KMT2C: variants seen among roughly 807,000 people sequenced by gnomAD.
KMT2C encodes lysine methyltransferase 2C.
A neutral mutation model predicts 507.9 loss-of-function variants in KMT2C; 88 were observed. The observed-to-expected ratio is 0.17, with a 90% CI of 0.15 to 0.21. The LOEUF is 0.21. Among genes scored for constraint, KMT2C ranks in the 10% least tolerant of loss-of-function variants. KMT2C has a pLI of 1.00. For missense variants in KMT2C, 4,954 were observed against 5,957.8 expected, an observed-to-expected ratio of 0.83 and a Z score of 5.55; for synonymous variants, 2,049 against 2,080.8, an observed-to-expected ratio of 0.98 and a Z score of 0.42.
In KMT2C at chr7:152,364,938, C is replaced by G. The variant is rs113496617; in HGVS notation, c.162-6263G>C. 5.0e-3 allele frequency among the ~76,000 whole-genome samples: 626 copies of G among 125,942 alleles called. 2 individuals are homozygous for G. Among genetic ancestry groups the G allele is most frequent in the Middle Eastern group, 8.1e-3 (2 of 248 alleles). The allele number at this position is 125,942 out of a possible 152,430, so 82.6% of individuals were successfully genotyped here. On this transcript the variant is annotated intron_variant, in intron 1 of 58. Coordinates refer to ENST00000262189, the MANE Select transcript of KMT2C (RefSeq NM_170606.3). ...CAACAAAATCTGAAACAGACAGACA[C>G]ACACACACACACACACACACACACA...
In KMT2C at chr7:152,252,053, C is replaced by T; in HGVS notation, c.1507G>A (p.Glu503Lys). 1 of 1,612,018 alleles carries T rather than the reference C, an allele frequency of 6.2e-7. No individual in the cohort carries two copies. Among genetic ancestry groups the T allele is most frequent in the East Asian group, 2.2e-5 (1 of 44,822 alleles). Residue 503 changes from glutamate to lysine, a missense_variant, in exon 11 of 59, where the codon GAA becomes AAA. This residue lies in a region of KMT2C where 376 missense variants were observed against 352.4 expected (regional missense o/e 1.07). Transcript: ENST00000262189. ...HLECDKPTDH[E>K]LDTQLKEEYI... Reference sequence around the variant, plus strand: ...TCTTCTTTGAGCTGAGTATCCAGTTCATGATCTGTTGGTTTGTCACACTCT... The same window carrying T: ...TCTTCTTTGAGCTGAGTATCCAGTTTATGATCTGTTGGTTTGTCACACTCT...
At chr7:152,210,888 G>T (rs1191367553) in intron 23 of KMT2C, among the ~76,000 whole-genome samples, 1 of 152,134 alleles carries the variant, frequency 6.6e-6, no homozygotes, top group Non-Finnish European at 1.5e-5. Flanking sequence ...ATAAGGACAT[G>T]AATTGGAAAG....
intron 6 of KMT2C, among the ~76,000 whole-genome samples, chr7:152,290,258 G>GTGTGTGTGTGTGTGTGTGTGTGTATATA (rs1337492088): frequency 3.8e-5 from 1 of 26,242 alleles, no homozygotes; most frequent in African/African-American, 1.4e-4. Context: ...GTGTGTATGT[G>GTGTGTGTGTGTGTGTGTGTGTGTATATA]TATATATATA....
chr7:152,176,400 C>T lies in KMT2C; in HGVS notation c.9053G>A (p.Ser3018Asn), dbSNP rs779395355. The T allele has an allele frequency of 6.2e-7, 1 of 1,614,140 alleles. No homozygotes were observed. The highest frequency in any genetic ancestry group is 1.1e-5 in the South Asian group (1 of 91,082). ...KPATQTGPQT[S>N]QSGTSSMSGP... is the part of the protein sequence containing the mutation. ...AGACATGCTACTGGTACCAGACTGA[C>T]TTGTTTGAGGCCCAGTTTGAGTTGC... Residue 3018 changes from serine to asparagine, a missense_variant, in exon 38 of 59, where the codon AGT becomes AAT. Physicochemically the swap from Ser to Asn is conservative, Grantham distance 46. Coordinates refer to ENST00000262189, the MANE Select transcript of KMT2C (RefSeq NM_170606.3).
chr7:152,334,760 AG>A (rs1055251986), intron 2 of KMT2C, among the ~76,000 whole-genome samples: 3 of 152,352 alleles, frequency 2.0e-5, no homozygotes, highest in African/African-American at 7.2e-5. Flanking sequence ...GTGATGGCAG[AG>A]AGACAAGACA....
At chr7:152,323,837 GGAGAGAGA>G (rs755994844) in intron 3 of KMT2C, among the ~76,000 whole-genome samples, 7 of 145,798 alleles carry the variant, frequency 4.8e-5, no homozygotes, top group African/African-American at 1.5e-4. Context: ...GGAAGAGTGG[GGAGAGAGA>G]GAGAGAGAGA....
At chr7:152,296,997 A>AAGAAAGAAAG (rs1235502213) in intron 6 of KMT2C, among the ~76,000 whole-genome samples, 26 of 58,948 alleles carry the variant, frequency 4.4e-4, no homozygotes, top group Non-Finnish European at 8.0e-4. Context: ...GAAAGAAAGA[A>AAGAAAGAAAG]AAAGAAAGAA....
intron 4 of KMT2C, among the ~76,000 whole-genome samples, chr7:152,314,143 A>C (rs1432130037): frequency 1.3e-5 from 2 of 152,156 alleles, no homozygotes; most frequent in Non-Finnish European, 2.9e-5. Context: ...GTTCCACCTT[A>C]AATTCTTTTA....
At chr7:152,171,835 T>C (rs1048008185) in intron 39 of KMT2C, among the ~76,000 whole-genome samples, 1 of 152,264 alleles carries the variant, frequency 6.6e-6, no homozygotes, top group Non-Finnish European at 1.5e-5. Flanking sequence ...CATTTCCCAA[T>C]TTAAGAATTT....
intron 3 of KMT2C, among the ~76,000 whole-genome samples, chr7:152,315,554 A>G (rs977851045): frequency 1.3e-5 from 2 of 152,250 alleles, no homozygotes; most frequent in Non-Finnish European, 1.5e-5. Context: ...GCATTTTAAA[A>G]AGTAGTACAC....
In KMT2C at chr7:152,172,554, C is replaced by T. The variant is rs191438338; in HGVS notation, c.9375-1212G>A. 8.6e-4 allele frequency among the ~76,000 whole-genome samples: 131 copies of T among 152,164 alleles called. 1 individual carries two copies. Among genetic ancestry groups the T allele is most frequent in the African/African-American group, 2.7e-3 (114 of 41,504 alleles). ...CTACCAAAAATACAAAAATTAGCTGCGCATGGTGGCACGTGCCTGTGATCC... is the reference window on the plus strand; with the variant it reads ...CTACCAAAAATACAAAAATTAGCTGTGCATGGTGGCACGTGCCTGTGATCC... On this transcript the variant is annotated intron_variant, in intron 39 of 58. Coordinates refer to ENST00000262189, the MANE Select transcript of KMT2C (RefSeq NM_170606.3).
chr7:152,360,386 G>A (rs2097186758), intron 1 of KMT2C, among the ~76,000 whole-genome samples: 1 of 151,182 alleles, frequency 6.6e-6, no homozygotes, highest in East Asian at 2.0e-4. Flanking sequence ...GCTGAGGCAG[G>A]AGAATCGCTT....
chr7:152,195,885 G>A lies in KMT2C; in HGVS notation c.4378+22C>T, dbSNP rs755127914. 4 of 1,344,590 alleles carry A rather than the reference G, an allele frequency of 3.0e-6. No homozygotes were observed. In the African/African-American group the frequency reaches 4.4e-5, roughly 15 times the overall value. 83.3% of individuals were successfully genotyped at this position (1,344,590 alleles called of 1,614,324 possible). A position where few individuals can be genotyped will look rare whatever the true frequency, so the allele number is the denominator to read the frequency against. The stretch of plus-strand genomic sequence containing the variant: ...CGCTCACATCAGAAACCAGAAAAAG[G>A]GTAAACAGTATTCATATATACCTGA... On this transcript the variant is annotated intron_variant, in intron 28 of 58. Transcript: ENST00000262189.
rs369862771 is a variant in KMT2C, at chr7:152,162,984, A to C, written c.10593T>G (p.Ser3531=). The C allele has an allele frequency of 1.2e-6, 2 of 1,614,218 alleles. No individual in the cohort carries two copies. Among genetic ancestry groups the C allele is most frequent in the Non-Finnish European group, 1.7e-6 (2 of 1,180,036 alleles). The part of the protein sequence containing the change: ...SIPVGSPNFS[S]VKQGHGNLSG... ...AAAGATTTCCATGTCCCTGCTTCAC[A>C]GAAGAAAAATTTGGGCTTCCAACAG... Residue 3531 remains serine, a synonymous_variant, in exon 43 of 59, where the codon TCT becomes TCG. Transcript: ENST00000262189.
intron 3 of KMT2C, among the ~76,000 whole-genome samples, chr7:152,318,231 G>A (rs189058108): frequency 1.8e-4 from 27 of 152,156 alleles, no homozygotes; most frequent in Admixed American, 6.5e-4. Context: ...TTACAATAAT[G>A]TAAACCAAAA....
chr7:152,231,307 G>A (rs2095102186), intron 16 of KMT2C, among the ~76,000 whole-genome samples: 1 of 152,154 alleles, frequency 6.6e-6, no homozygotes. Context: ...ACAAAACAAA[G>A]CTCTGAACTA....
chr7:152,381,571 C>T (rs1394011618), intron 1 of KMT2C, among the ~76,000 whole-genome samples: 1 of 152,264 alleles, frequency 6.6e-6, no homozygotes, highest in Non-Finnish European at 1.5e-5. Flanking sequence ...CCATTTTCTA[C>T]TATTTCTGTT....
At chr7:152,152,389 C>T (rs28540667) in intron 49 of KMT2C, among the ~76,000 whole-genome samples, 2,321 of 152,194 alleles carry the variant, frequency 0.015, 60 homozygotes, top group African/African-American at 0.054. Flanking sequence ...CCAGGTGCAG[C>T]GGGATGGGGG....
intron 55 of KMT2C, among the ~76,000 whole-genome samples, chr7:152,142,790 C>T (rs1426074041): frequency 6.6e-6 from 1 of 152,090 alleles, no homozygotes. Context: ...TCGAGAGGGA[C>T]CTCTGATTAT....
Sources: gnomAD v4.1 joint callset for allele counts (sites outside exome capture counted in the v4.1 genomes callset) on GRCh38, gnomAD v4.1.1 for gene constraint, gnomAD v4.1.1 regional missense constraint, MANE v1.5 for transcripts, NCBI Gene and HGNC (gene_info 2026-07-23, HGNC 2026-07-21) for gene names.